The following RPAP1 variants were observed in gnomAD, a reference collection of about 807,000 sequenced individuals.
RPAP1 encodes RNA polymerase II-associated protein 1.
In RPAP1, 109 loss-of-function variants were observed where a neutral mutation model predicts 142.4. The observed-to-expected ratio is 0.77, with a 90% CI of 0.66 to 0.90. The LOEUF (loss-of-function observed/expected upper bound fraction) is 0.90, where lower values mean the gene tolerates loss of function less well. Ranked by LOEUF, RPAP1 falls within the 40% of genes least tolerant of loss-of-function variation. The pLI is 0.00. For missense variants in RPAP1, 1,546 were observed against 1,751.7 expected, an observed-to-expected ratio of 0.88 and a Z score of 2.10; for synonymous variants, 704 against 738.9, an observed-to-expected ratio of 0.95 and a Z score of 0.77.
intron 22 of RPAP1, 32 bp from the exon 23 acceptor site, chr15:41,518,214 A>C: frequency 6.5e-7 from 1 of 1,533,408 alleles, no homozygotes; most frequent in East Asian, 2.3e-5. Context: ...GCTGAGGGGG[A>C]GGGTAGGAAT....
chr15:41,523,088 T>C, intron 18 of RPAP1, 128 bp from the exon 19 acceptor site: 1 of 949,848 alleles, frequency 1.1e-6, no homozygotes, highest in Admixed American at 3.2e-5. Context: ...CTCACACTCC[T>C]CAGAGCCCAC....
Position 41,517,816 on chromosome 15 carries a change from T to A in RPAP1, c.4014A>T (p.Thr1338=). 6.2e-7 allele frequency: 1 copy of A among 1,614,156 alleles called. No homozygotes were observed. The highest frequency in any genetic ancestry group is 1.1e-5 in the South Asian group (1 of 91,086). ...ACCCTACCTCATCTGCCAGCAGCCA[T>A]GTTTTCTGCAGCATACTCCTGCGGG... The part of the protein sequence containing the change: ...KAARRSMLQK[T]WLLADEGLRQ... The change falls in exon 24 of 25, where the codon ACA becomes ACT. Residue 1338 remains threonine (T), a synonymous_variant. Transcript: ENST00000304330.
intron 6 of RPAP1, among the ~76,000 whole-genome samples, chr15:41,534,233 C>A (rs139987381): frequency 6.6e-6 from 1 of 151,744 alleles, no homozygotes; most frequent in Middle Eastern, 3.2e-3. Flanking sequence ...GCCTGACCAA[C>A]ATGGAGAAAC....
intron 9 of RPAP1, among the ~76,000 whole-genome samples, chr15:41,529,267 G>A (rs1345014344): frequency 6.6e-6 from 1 of 152,168 alleles, no homozygotes; most frequent in Non-Finnish European, 1.5e-5. Context: ...CCCAGGAGGT[G>A]GAGGCTGCAG....
intron 1 of RPAP1, 198 bp downstream of exon 1, chr15:41,544,021 T>C (rs1240108970): frequency 6.6e-6 from 1 of 152,300 alleles, no homozygotes; most frequent in African/African-American, 2.4e-5. Context: ...CACCCAACTC[T>C]ACAATGAGGA....
chr15:41,521,244 G>C (rs1360716195), intron 21 of RPAP1, 97 bp from the exon 22 acceptor site: 4 of 1,223,696 alleles, frequency 3.3e-6, no homozygotes, highest in Non-Finnish European at 4.5e-6. Flanking sequence ...CCTAGGTCCA[G>C]ACCTGTGCCT....
At chr15:41,537,385 C>G (rs2051922922) in intron 1 of RPAP1, among the ~76,000 whole-genome samples, 184 bp from the exon 2 acceptor site, 1 of 152,104 alleles carries the variant, frequency 6.6e-6, no homozygotes, top group Non-Finnish European at 1.5e-5. Flanking sequence ...ATATTTATAG[C>G]CAACTTAGGT....
At position 41,522,150 on chromosome 15, in the gene RPAP1, A is replaced by G. The variant is rs1391351126; in HGVS notation, c.2843T>C (p.Leu948Pro). 6.2e-7 allele frequency: 1 copy of G among 1,613,814 alleles called. No individual in the cohort carries two copies. The change falls in exon 20 of 25, where the codon CTG (leucine) becomes CCG (proline). Residue 948 changes from leucine to proline, a missense_variant. By Grantham distance (98) the Leu-to-Pro change is moderately conservative (BLOSUM62 -3). Transcript: ENST00000304330. ...GTACTGCAGGTGGTACTCATGGCGC[A>G]GGGCCCATGCAGAGAAAGGTGTGAG... ...PHLTPFSAWALRHEYHLQYLA... is the reference protein window; with the variant it reads ...PHLTPFSAWAPRHEYHLQYLA...
Position 41,536,208 on chromosome 15 carries a change from G to T in RPAP1, c.341C>A (p.Thr114Lys). The change falls in exon 4 of 25, where the codon ACA (threonine) becomes AAA (lysine). Residue 114 changes from threonine (T) to lysine (K), a missense_variant. By Grantham distance (78) the Thr-to-Lys change is moderately conservative. This residue lies in a region of RPAP1 where 1,333 missense variants were observed against 1,486.6 expected (regional missense o/e 0.90). Coordinates refer to ENST00000304330, the MANE Select transcript of RPAP1 (RefSeq NM_015540.4). Reference protein sequence around the residue: ...AVLTKIIERDTSSVAVNLPVP... With the variant: ...AVLTKIIERDKSSVAVNLPVP... ...AGGCAGATTCACGGCCACTGAACTTGTATCTCGTTCCTGTAGCAACAAAGC... is the reference window on the plus strand; with the variant it reads ...AGGCAGATTCACGGCCACTGAACTTTTATCTCGTTCCTGTAGCAACAAAGC... The T allele has an allele frequency of 3.1e-6, 5 of 1,614,048 alleles. No individual in the cohort carries two copies. The highest frequency in any genetic ancestry group is 4.2e-6 in the Non-Finnish European group (5 of 1,179,970).
At chr15:41,523,698 A>T in intron 17 of RPAP1, 73 bp downstream of exon 17, 1 of 1,285,402 alleles carries the variant, frequency 7.8e-7, no homozygotes, top group Non-Finnish European at 1.1e-6. Flanking sequence ...GGACACAGAG[A>T]GGGAGCAACG....
intron 2 of RPAP1, 54 bp from the exon 3 acceptor site, chr15:41,536,703 A>G: frequency 6.3e-7 from 1 of 1,585,342 alleles, no homozygotes; most frequent in Non-Finnish European, 8.6e-7. Context: ...CTAGGAAGAC[A>G]CTGCAGGCTA....
rs759973838 is a variant in RPAP1 at position 41,517,792 on chromosome 15, C to T, written c.4032+6G>A. The T allele has an allele frequency of 1.9e-6, 3 of 1,614,190 alleles. No individual in the cohort carries two copies. Among genetic ancestry groups the T allele is most frequent in the South Asian group, 1.1e-5 (1 of 91,082 alleles). ...TATCCCACCCTCCTAATGGCCCTGACCCTACCTCATCTGCCAGCAGCCATG... is the reference window on the plus strand; with the variant it reads ...TATCCCACCCTCCTAATGGCCCTGATCCTACCTCATCTGCCAGCAGCCATG... On this transcript the variant is annotated splice_donor_region_variant and intron_variant, in intron 24 of 24. Transcript: ENST00000304330.
chr15:41,543,315 T>G (rs950427992), intron 1 of RPAP1, among the ~76,000 whole-genome samples: 1 of 150,918 alleles, frequency 6.6e-6, no homozygotes, highest in Non-Finnish European at 1.5e-5. Context: ...GTTCAAGTGA[T>G]TCTCCTGCCT....
Position 41,518,193 on chromosome 15 carries a change from G to A in RPAP1, c.3796-11C>T. ...CAGGGACACAGGCAACTGTGACAGG[G>A]GAAATGACGTGCTGAGGGGGAGGGT... On this transcript the variant is annotated splice_polypyrimidine_tract_variant and intron_variant, in intron 22 of 24. Coordinates refer to ENST00000304330, the MANE Select transcript of RPAP1 (RefSeq NM_015540.4). The A allele has an allele frequency of 1.3e-6, 2 of 1,554,916 alleles. No homozygotes were observed. The highest frequency in any genetic ancestry group is 1.2e-5 in the South Asian group (1 of 81,682).
At chr15:41,535,745 T>A (rs2051900243) in intron 4 of RPAP1, 113 bp from the exon 5 acceptor site, 1 of 1,433,442 alleles carries the variant, frequency 7.0e-7, no homozygotes, top group Non-Finnish European at 9.4e-7. Flanking sequence ...TTGCTCAATT[T>A]CCAGGGATCA....
Position 41,520,524 on chromosome 15 carries a change from A to G in RPAP1, c.3662T>C (p.Val1221Ala). Reference sequence around the variant, plus strand: ...CCCAAAGAGGTGGTCCCCAAAAGAGACAGCCTCAAAATGATCCAGGAAGTT... The same window carrying G: ...CCCAAAGAGGTGGTCCCCAAAAGAGGCAGCCTCAAAATGATCCAGGAAGTT... ...YANFLDHFEA[V>A]SFGDHLFGAL... The change falls in exon 22 of 25, where the codon GTC becomes GCC. Residue 1221 changes from valine (V) to alanine (A), a missense_variant. Coordinates refer to ENST00000304330, the MANE Select transcript of RPAP1 (RefSeq NM_015540.4). 1 of 1,614,138 alleles carries G rather than the reference A, an allele frequency of 6.2e-7. No homozygotes were observed.
chr15:41,534,317 C>G (rs774378879), intron 6 of RPAP1, among the ~76,000 whole-genome samples: 1 of 151,396 alleles, frequency 6.6e-6, no homozygotes, highest in Non-Finnish European at 1.5e-5. Flanking sequence ...ACTCGAGAGA[C>G]TGAGGTAGGA....
rs1209643243 is a variant in RPAP1 at position 41,522,101 on chromosome 15, T to C, written c.2892A>G (p.Lys964=). 1 of 1,613,308 alleles carries C rather than the reference T, an allele frequency of 6.2e-7. No individual in the cohort carries two copies. Among genetic ancestry groups the C allele is most frequent in the Admixed American group, 1.7e-5 (1 of 60,004 alleles). ...CCTGTCAGACAGGGGGACCTACCGC[T>C]TTCTGGGCCAGAGCGAGTGCCAGGT... is the stretch of plus-strand genomic sequence containing the variant. ...LQYLALALAQ[K]AAALQPLPAT... The change falls in exon 20 of 25, where the codon AAA becomes AAG. Residue 964 remains lysine, a synonymous_variant. Transcript: ENST00000304330.
chr15:41,537,320 C>T (rs1376628170), intron 1 of RPAP1, 119 bp from the exon 2 acceptor site: 1 of 590,964 alleles, frequency 1.7e-6, no homozygotes, highest in Admixed American at 3.1e-5. Context: ...TCATTCATAC[C>T]TTACTGCCAT....
Sources: allele counts gnomAD v4.1 joint callset (sites outside exome capture counted in the v4.1 genomes callset), GRCh38; gene constraint gnomAD v4.1.1; regional missense constraint gnomAD v4.1.1; transcripts MANE v1.5; gene names NCBI Gene and HGNC (gene_info 2026-07-23, HGNC 2026-07-21).